Variants in ITPR2 observed in about 807,000 individuals in gnomAD.
ITPR2 encodes the protein inositol 1,4,5-trisphosphate-gated calcium channel ITPR2.
ITPR2 carries 207 observed loss-of-function variants against 317.1 expected under a neutral mutation model. The observed-to-expected ratio is 0.65, with a 90% CI of 0.58 to 0.73. ITPR2 has a LOEUF of 0.73. Ranked by LOEUF, ITPR2 falls within the 30% of genes least tolerant of loss-of-function variation. ITPR2 has a pLI of 0.00. For synonymous variants in ITPR2, 1,156 were observed against 1,149.1 expected (o/e 1.01, Z -0.12); for missense variants, 2,613 against 3,284.0 (o/e 0.80, Z 4.99).
intron 45 of ITPR2, among the ~76,000 whole-genome samples, chr12:26,455,344 T>TAAAAAAAAAA (rs10687003): frequency 3.0e-5 from 2 of 66,360 alleles, no homozygotes; most frequent in African/African-American, 1.2e-4. Flanking sequence ...CAACAGCTGC[T>TAAAAAAAAAA]AAAAAAAAAA....
intron 49 of ITPR2, among the ~76,000 whole-genome samples, chr12:26,424,756 A>G (rs530769880): frequency 6.6e-4 from 100 of 150,616 alleles, no homozygotes; most frequent in African/African-American, 2.2e-3. Flanking sequence ...TGACCAGCTA[A>G]TTTTTGTTTT....
chr12:26,419,245 C>CT (rs1266461860), intron 49 of ITPR2, 32 bp from the exon 50 acceptor site: 17 of 1,591,642 alleles, frequency 1.1e-5, no homozygotes, highest in Non-Finnish European at 1.5e-5. Flanking sequence ...AGATTACTGT[C>CT]TTATTTATCC....
At chr12:26,715,189 T>C in intron 8 of ITPR2, 110 bp downstream of exon 8, 5 of 1,019,492 alleles carry the variant, frequency 4.9e-6, no homozygotes, top group South Asian at 1.9e-5. Context: ...AAAATTATTC[T>C]ATTTTATGAT....
chr12:26,628,092 T>G lies in ITPR2; in HGVS notation c.3005A>C (p.Glu1002Ala). Residue 1002 changes from glutamate (E) to alanine (A), a missense_variant, in exon 23 of 57, where the codon GAG (glutamate) becomes GCG (alanine). This residue lies in a region of ITPR2 where 817 missense variants were observed against 897.6 expected (regional missense o/e 0.91). Transcript: ENST00000381340. ...AGATGTCTCCGCATTGTCATTGTCC[T>G]CTCCAAACTCCTTCTTATATATTGA... ...MLSIYKKEFG[E>A]DNDNAETSAS... is the part of the protein sequence containing the mutation. The G allele has an allele frequency of 6.2e-7, 1 of 1,612,770 alleles. No homozygotes were observed. Among genetic ancestry groups the G allele is most frequent in the South Asian group, 1.1e-5 (1 of 91,016 alleles).
At chr12:26,498,830 G>A (rs1267656474) in intron 37 of ITPR2, among the ~76,000 whole-genome samples, 1 of 152,106 alleles carries the variant, frequency 6.6e-6, no homozygotes, top group Non-Finnish European at 1.5e-5. Context: ...AACCTTTTAT[G>A]TATTATTATT....
At chr12:26,634,946 T>C (rs940794990) in intron 21 of ITPR2, among the ~76,000 whole-genome samples, 2 of 151,418 alleles carry the variant, frequency 1.3e-5, no homozygotes, top group African/African-American at 4.9e-5. Flanking sequence ...GGGTCAACTT[T>C]TCAGGTTCTT....
chr12:26,570,225 G>A (rs1038609828), intron 34 of ITPR2, among the ~76,000 whole-genome samples: 1 of 152,046 alleles, frequency 6.6e-6, no homozygotes, highest in Non-Finnish European at 1.5e-5. Flanking sequence ...AATTAATCGA[G>A]GGTAGAAAAC....
chr12:26,781,847 G>A (rs1038261999), intron 2 of ITPR2, among the ~76,000 whole-genome samples: 10 of 151,778 alleles, frequency 6.6e-5, no homozygotes, highest in Non-Finnish European at 1.5e-4. Context: ...AATGTGAAAA[G>A]GCTAGACTGG....
chr12:26,685,783 T>C (rs570766491), intron 11 of ITPR2, among the ~76,000 whole-genome samples: 28 of 152,280 alleles, frequency 1.8e-4, no homozygotes, highest in African/African-American at 6.7e-4. Flanking sequence ...ACATTTTTCA[T>C]TTCGTGTTCC....
At chr12:26,696,820 C>T (rs1188813127) in intron 9 of ITPR2, among the ~76,000 whole-genome samples, 2 of 152,170 alleles carry the variant, frequency 1.3e-5, no homozygotes, top group Non-Finnish European at 2.9e-5. Flanking sequence ...GACCAAAAAC[C>T]TATAGAGAAG....
At chr12:26,799,276 G>A (rs1950513503) in intron 1 of ITPR2, among the ~76,000 whole-genome samples, 1 of 152,110 alleles carries the variant, frequency 6.6e-6, no homozygotes, top group Admixed American at 6.5e-5. Flanking sequence ...AAACTTTGAA[G>A]TACTACTAAA....
At chr12:26,402,682 C>T (rs1940215361) in intron 52 of ITPR2, among the ~76,000 whole-genome samples, 2 of 152,206 alleles carry the variant, frequency 1.3e-5, no homozygotes, top group Non-Finnish European at 2.9e-5. Context: ...CACATGCATG[C>T]TGATTTTATA....
intron 52 of ITPR2, among the ~76,000 whole-genome samples, chr12:26,405,894 G>A (rs1940332309): frequency 1.3e-5 from 2 of 152,128 alleles, no homozygotes; most frequent in Admixed American, 6.5e-5. Context: ...GGAAGTGCAG[G>A]TTGCAATGAG....
At chr12:26,689,467 G>A (rs1420684159) in intron 10 of ITPR2, among the ~76,000 whole-genome samples, 1 of 151,930 alleles carries the variant, frequency 6.6e-6, no homozygotes, top group African/African-American at 2.4e-5. Context: ...AGGGAGGCAG[G>A]TGGGAAAGAA....
At chr12:26,647,313 T>C (rs1306479770) in intron 21 of ITPR2, among the ~76,000 whole-genome samples, 5 of 152,262 alleles carry the variant, frequency 3.3e-5, no homozygotes, top group African/African-American at 1.2e-4. Context: ...TTCAGAGTTA[T>C]ACACATATCA....
At chr12:26,774,374 C>T (rs1949921677) in intron 2 of ITPR2, among the ~76,000 whole-genome samples, 1 of 152,164 alleles carries the variant, frequency 6.6e-6, no homozygotes, top group East Asian at 1.9e-4. Context: ...TGTGGTGGCT[C>T]ATGCCTCTAA....
intron 26 of ITPR2, among the ~76,000 whole-genome samples, chr12:26,620,742 T>C (rs1487850319): frequency 6.7e-6 from 1 of 148,876 alleles, no homozygotes; most frequent in African/African-American, 2.4e-5. Context: ...TAGGAATGAA[T>C]TACTGCTTGG....
chr12:26,492,208 T>C (rs1942823162), intron 39 of ITPR2, among the ~76,000 whole-genome samples: 1 of 151,820 alleles, frequency 6.6e-6, no homozygotes, highest in Non-Finnish European at 1.5e-5. Context: ...CCACAGAAAA[T>C]CATGTAAAGA....
At chr12:26,576,481 T>A (rs1354405551) in intron 34 of ITPR2, among the ~76,000 whole-genome samples, 2 of 152,180 alleles carry the variant, frequency 1.3e-5, no homozygotes, top group African/African-American at 4.8e-5. Context: ...TCCCACACCA[T>A]TCAGTTCTAA....
Sources: allele counts gnomAD v4.1 joint callset (sites outside exome capture counted in the v4.1 genomes callset), GRCh38; gene constraint gnomAD v4.1.1; regional missense constraint gnomAD v4.1.1; transcripts MANE v1.5; gene names NCBI Gene and HGNC (gene_info 2026-07-23, HGNC 2026-07-21).